Variants in TNKS observed in about 807,000 individuals in gnomAD.
TNKS encodes tankyrase, also known as poly [ADP-ribose] polymerase tankyrase-1.
Under a neutral mutation model 135.8 loss-of-function variants are expected in TNKS, and 72 were observed. That is an observed-to-expected ratio of 0.53 (90% CI 0.44 to 0.64). The LOEUF is 0.64. Ranked by LOEUF, TNKS falls within the 30% of genes least tolerant of loss-of-function variation. TNKS has a pLI of 0.00. For missense variants in TNKS, 1,769 were observed against 1,674.0 expected (o/e 1.06, Z -0.99); for synonymous variants, 849 against 649.3 (o/e 1.31, Z -4.68).
chr8:9,623,792 A>G (rs1799954808), intron 3 of TNKS, among the ~76,000 whole-genome samples: 1 of 152,174 alleles, frequency 6.6e-6, no homozygotes, highest in East Asian at 1.9e-4. Context: ...ACTTGAGGCC[A>G]GGAGTTCAAG....
intron 26 of TNKS, among the ~76,000 whole-genome samples, chr8:9,776,340 A>G (rs1321451069): frequency 6.6e-6 from 1 of 152,222 alleles, no homozygotes; most frequent in Non-Finnish European, 1.5e-5. Context: ...GTGAGGTGAA[A>G]AAGATATTAG....
At chr8:9,621,151 T>A (rs1050833783) in intron 3 of TNKS, among the ~76,000 whole-genome samples, 12 of 152,222 alleles carry the variant, frequency 7.9e-5, no homozygotes, top group African/African-American at 2.9e-4. Context: ...ATTTTAAAAA[T>A]GTTTTAATTG....
intron 5 of TNKS, 168 bp downstream of exon 5, chr8:9,680,968 A>C (rs1231496534): frequency 4.1e-6 from 2 of 486,882 alleles, no homozygotes; most frequent in Admixed American, 7.2e-5. Context: ...TGACACATTC[A>C]TAGAACTGGT....
At chr8:9,589,690 G>T (rs545470194) in intron 2 of TNKS, among the ~76,000 whole-genome samples, 53 of 152,262 alleles carry the variant, frequency 3.5e-4, no homozygotes, top group Non-Finnish European at 6.3e-4. Context: ...ATCTACAACT[G>T]AGAGTAAATT....
chr8:9,565,161 T>A (rs2129050078), intron 1 of TNKS, among the ~76,000 whole-genome samples: 1 of 152,324 alleles, frequency 6.6e-6, no homozygotes, highest in South Asian at 2.1e-4. Context: ...TCGAATCTTG[T>A]TTTGCCAGTT....
chr8:9,628,148 A>G (rs1182925754), intron 3 of TNKS, among the ~76,000 whole-genome samples: 1 of 125,616 alleles, frequency 8.0e-6, no homozygotes, highest in Non-Finnish European at 1.7e-5. Flanking sequence ...GGTAGCTCAC[A>G]TCTTTTACAA....
chr8:9,606,796 A>G (rs1170394994), intron 2 of TNKS, among the ~76,000 whole-genome samples: 1 of 152,052 alleles, frequency 6.6e-6, no homozygotes, highest in East Asian at 1.9e-4. Flanking sequence ...GATGTTTATT[A>G]TCTTCCTCTG....
rs755555555 is a variant in TNKS, at chr8:9,761,502, G to T, written c.3154-14G>T. On this transcript the variant is annotated splice_polypyrimidine_tract_variant and intron_variant, in intron 20 of 26. Coordinates refer to ENST00000310430, the MANE Select transcript of TNKS (RefSeq NM_003747.3). ...TGTTAAAGATATCCTAGCTAATTTTGTTTCATTTTTCAGATTACACTAGAT... is the reference window on the plus strand; with the variant it reads ...TGTTAAAGATATCCTAGCTAATTTTTTTTCATTTTTCAGATTACACTAGAT... 3 of 1,611,760 alleles carry T rather than the reference G, an allele frequency of 1.9e-6. No homozygotes were observed. Among genetic ancestry groups the T allele is most frequent in the Non-Finnish European group, 2.5e-6 (3 of 1,179,522 alleles).
chr8:9,771,765 A>G (rs529643909), intron 26 of TNKS, among the ~76,000 whole-genome samples: 28 of 78,332 alleles, frequency 3.6e-4, no homozygotes, highest in Non-Finnish European at 6.6e-4. Context: ...AAGGAGAGAG[A>G]AAAAAAGGAA....
chr8:9,683,932 A>T (rs551217520), intron 5 of TNKS, among the ~76,000 whole-genome samples: 1 of 152,038 alleles, frequency 6.6e-6, no homozygotes, highest in East Asian at 1.9e-4. Flanking sequence ...TCCTGGCTAC[A>T]CTAGAAATTT....
chr8:9,631,107 A>G (rs1800272352), intron 3 of TNKS, among the ~76,000 whole-genome samples: 1 of 152,244 alleles, frequency 6.6e-6, no homozygotes, highest in Non-Finnish European at 1.5e-5. Flanking sequence ...GCTAAGTATT[A>G]GAAGCCTCAT....
At chr8:9,637,728 A>G (rs1384960895) in intron 3 of TNKS, among the ~76,000 whole-genome samples, 1 of 152,148 alleles carries the variant, frequency 6.6e-6, no homozygotes, top group Non-Finnish European at 1.5e-5. Flanking sequence ...ATTTGCTTAT[A>G]CTCTTTGTAA....
intron 5 of TNKS, among the ~76,000 whole-genome samples, chr8:9,691,370 T>C (rs1301118279): frequency 2.6e-5 from 4 of 152,196 alleles, no homozygotes; most frequent in Non-Finnish European, 2.9e-5. Flanking sequence ...ACACTGTCAT[T>C]ATTGATAGAG....
intron 1 of TNKS, among the ~76,000 whole-genome samples, chr8:9,567,640 T>G (rs12541439): frequency 1.3e-5 from 2 of 152,098 alleles, no homozygotes; most frequent in Non-Finnish European, 1.5e-5. Flanking sequence ...GATGGTCTCG[T>G]TCTCCTGATC....
intron 3 of TNKS, among the ~76,000 whole-genome samples, chr8:9,665,086 C>T (rs936993543): frequency 3.3e-5 from 5 of 152,224 alleles, no homozygotes; most frequent in Admixed American, 3.3e-4. Context: ...TACTCACCAC[C>T]TACTATCACT....
At chr8:9,673,632 G>A (rs1431952358) in intron 3 of TNKS, among the ~76,000 whole-genome samples, 1 of 151,858 alleles carries the variant, frequency 6.6e-6, no homozygotes, top group Non-Finnish European at 1.5e-5. Flanking sequence ...TTTTAGTAGA[G>A]AGGAGGTTTC....
chr8:9,636,404 T>A (rs948532439), intron 3 of TNKS, among the ~76,000 whole-genome samples: 4 of 152,244 alleles, frequency 2.6e-5, no homozygotes, highest in African/African-American at 9.6e-5. Context: ...GCCTCTTTTT[T>A]GAATTATTAG....
At position 9,589,659 on chromosome 8, in the gene TNKS, G is replaced by T. The variant is rs559128521; in HGVS notation, c.898+9276G>T. On this transcript the variant is annotated intron_variant, in intron 2 of 26. Coordinates refer to ENST00000310430, the MANE Select transcript of TNKS (RefSeq NM_003747.3). ...TCCTAGTGTGGACTTGGCCCCTCGGGCCTCACCACTATACATAGGAATCTA... is the reference window on the plus strand; with the variant it reads ...TCCTAGTGTGGACTTGGCCCCTCGGTCCTCACCACTATACATAGGAATCTA... Among the ~76,000 whole-genome samples, 5 of 152,354 alleles carry T rather than the reference G, an allele frequency of 3.3e-5. No homozygotes were observed. The South Asian group carries it at 1.0e-3, about 32-fold the overall frequency.
chr8:9,677,606 T>G (rs1241579279), intron 3 of TNKS, among the ~76,000 whole-genome samples: 1 of 152,128 alleles, frequency 6.6e-6, no homozygotes, highest in Admixed American at 6.5e-5. Flanking sequence ...TTTGCCCACC[T>G]TCCTCTCCAA....
Sources: allele counts gnomAD v4.1 joint callset (sites outside exome capture counted in the v4.1 genomes callset), GRCh38; gene constraint gnomAD v4.1.1; transcripts MANE v1.5; gene names NCBI Gene and HGNC (gene_info 2026-07-23, HGNC 2026-07-21).